Variants in LCLAT1 observed in about 807,000 individuals in gnomAD.
The protein encoded by LCLAT1 is 1-AGP acyltransferase 8.
In LCLAT1, 11 loss-of-function variants were observed where a neutral mutation model predicts 30.7. That is an observed-to-expected ratio of 0.36 (90% CI 0.23 to 0.59). LCLAT1 has a LOEUF of 0.59. Among genes scored for constraint, LCLAT1 ranks in the 20% least tolerant of loss-of-function variants. LCLAT1 has a pLI of 0.77. For synonymous variants in LCLAT1, 155 were observed against 151.3 expected, an observed-to-expected ratio of 1.02 and a Z score of -0.18; for missense variants, 402 against 458.6, an observed-to-expected ratio of 0.88 and a Z score of 1.13.
chr2:30,481,386 G>A (rs1398704580), intron 1 of LCLAT1, among the ~76,000 whole-genome samples: 1 of 152,206 alleles, frequency 6.6e-6, no homozygotes, highest in African/African-American at 2.4e-5. Context: ...CAAAGGAAGA[G>A]GGAGGAGGAA....
intron 1 of LCLAT1, among the ~76,000 whole-genome samples, chr2:30,520,541 G>A (rs1407775581): frequency 1.3e-5 from 2 of 152,156 alleles, no homozygotes; most frequent in East Asian, 3.9e-4. Flanking sequence ...CCTTAAGTAA[G>A]TTCCTTAACC....
chr2:30,477,942 C>G (rs187053762), intron 1 of LCLAT1, among the ~76,000 whole-genome samples: 1 of 151,810 alleles, frequency 6.6e-6, no homozygotes, highest in Admixed American at 6.6e-5. Flanking sequence ...CTCTCTCCCC[C>G]CTGAAAGTTT....
At chr2:30,515,600 A>T (rs1287221075) in intron 1 of LCLAT1, among the ~76,000 whole-genome samples, 1 of 152,188 alleles carries the variant, frequency 6.6e-6, no homozygotes, top group African/African-American at 2.4e-5. Context: ...GTTAGGTTAC[A>T]CTTGAAGTAG....
At chr2:30,560,318 G>GTGTGTA (rs1180312060) in intron 3 of LCLAT1, among the ~76,000 whole-genome samples, 12 of 143,650 alleles carry the variant, frequency 8.4e-5, no homozygotes, top group Admixed American at 7.5e-4. Context: ...GTGTGTGTGT[G>GTGTGTA]TGTGTGTATT....
At chr2:30,520,313 T>C (rs528139693) in intron 1 of LCLAT1, among the ~76,000 whole-genome samples, 2 of 152,254 alleles carry the variant, frequency 1.3e-5, no homozygotes, top group East Asian at 3.8e-4. Flanking sequence ...GTATAAATTC[T>C]AAAATTCAGA....
chr2:30,612,678 T>C (rs777263361), intron 5 of LCLAT1, among the ~76,000 whole-genome samples: 1 of 152,178 alleles, frequency 6.6e-6, no homozygotes, highest in Non-Finnish European at 1.5e-5. Flanking sequence ...AATTCCTGTC[T>C]GCCTTCTCTG....
At chr2:30,628,530 A>G (rs946423260) in intron 5 of LCLAT1, among the ~76,000 whole-genome samples, 1 of 152,224 alleles carries the variant, frequency 6.6e-6, no homozygotes, top group African/African-American at 2.4e-5. Flanking sequence ...CCAGATATTG[A>G]GTCACTAAGG....
At chr2:30,613,180 A>G (rs1234381179) in intron 5 of LCLAT1, among the ~76,000 whole-genome samples, 1 of 152,116 alleles carries the variant, frequency 6.6e-6, no homozygotes, top group African/African-American at 2.4e-5. Flanking sequence ...TGAGGGCAGA[A>G]AGGTAAATGT....
In LCLAT1 at chr2:30,461,770, C is replaced by CCTTTTTTTTTTTTTTTTT. The variant is rs760622200; in HGVS notation, c.-5+14387_-5+14388insCTTTTTTTTTTTTTTTTT. ...TGTGGACCACTTTTTCTAAATTAAACTTTTTTTTTTTTTTTTTTGAGACGG... is the reference window on the plus strand; with the variant it reads ...TGTGGACCACTTTTTCTAAATTAAACCTTTTTTTTTTTTTTTTTTTTTTTTTTTTTTTTTTTGAGACGG... On this transcript the variant is annotated intron_variant, in intron 1 of 5. Transcript: ENST00000379509. Among the ~76,000 whole-genome samples the CCTTTTTTTTTTTTTTTTT allele has an allele frequency of 1.4e-3, 186 of 131,720 alleles. 5 individuals carry two copies. Among genetic ancestry groups the CCTTTTTTTTTTTTTTTTT allele is most frequent in the East Asian group, 2.3e-3 (10 of 4,336 alleles). The allele number at this position is 131,720 out of a possible 152,430, so 86.4% of individuals were successfully genotyped here.
intron 1 of LCLAT1, among the ~76,000 whole-genome samples, chr2:30,492,908 A>T (rs939315677): frequency 3.9e-5 from 6 of 152,138 alleles, no homozygotes; most frequent in Non-Finnish European, 7.3e-5. Context: ...ATGTACTGTA[A>T]ATTTATACCC....
At chr2:30,537,387 CAA>C (rs565063139) in intron 3 of LCLAT1, among the ~76,000 whole-genome samples, 4 of 89,578 alleles carry the variant, frequency 4.5e-5, no homozygotes, top group African/African-American at 8.7e-5. Context: ...GACTCCGTCT[CAA>C]AAAAAAAAAA....
chr2:30,641,048 C>G lies in LCLAT1; in HGVS notation c.*429C>G, dbSNP rs1669279438. 6.4e-6 allele frequency: 1 copy of G among 155,136 alleles called. No individual in the cohort carries two copies. Among genetic ancestry groups the G allele is most frequent in the Non-Finnish European group, 1.4e-5 (1 of 70,276 alleles). The allele number at this position is 155,136 out of a possible 1,614,324, so 9.6% of individuals were successfully genotyped here. A position where few individuals can be genotyped will look rare whatever the true frequency, so the allele number is the denominator to read the frequency against. ...GAGGTGAGCGCTGTCCCTCCAGGTACTCAGGCAGGTGGTGCCCAGGCTCCC... is the reference window on the plus strand; with the variant it reads ...GAGGTGAGCGCTGTCCCTCCAGGTAGTCAGGCAGGTGGTGCCCAGGCTCCC... On this transcript the variant is annotated 3_prime_UTR_variant, in exon 6 of 6. Coordinates refer to ENST00000379509, the MANE Select transcript of LCLAT1 (RefSeq NM_001002257.3).
chr2:30,454,987 C>T (rs1205749056), intron 1 of LCLAT1, among the ~76,000 whole-genome samples: 5 of 152,062 alleles, frequency 3.3e-5, no homozygotes, highest in African/African-American at 9.7e-5. Flanking sequence ...TACTAGAAGT[C>T]GGAGTTACTC....
At chr2:30,472,817 C>T (rs1427378703) in intron 1 of LCLAT1, among the ~76,000 whole-genome samples, 1 of 152,076 alleles carries the variant, frequency 6.6e-6, no homozygotes, top group Non-Finnish European at 1.5e-5. Context: ...CAAGTCTTGC[C>T]AGTCCCTCCT....
At chr2:30,477,114 C>A (rs180720479) in intron 1 of LCLAT1, among the ~76,000 whole-genome samples, 43 of 152,260 alleles carry the variant, frequency 2.8e-4, no homozygotes, top group Middle Eastern at 3.4e-3. Flanking sequence ...TGTTCCTGTG[C>A]CTAAGAATCC....
intron 1 of LCLAT1, among the ~76,000 whole-genome samples, chr2:30,464,913 AT>A (rs1442552362): frequency 6.6e-6 from 1 of 151,900 alleles, no homozygotes; most frequent in African/African-American, 2.4e-5. Flanking sequence ...TAGAGATGGA[AT>A]TTTGCCATGT....
At chr2:30,466,212 TTTTTCTGTG>T (rs1682417003) in intron 1 of LCLAT1, among the ~76,000 whole-genome samples, 1 of 151,852 alleles carries the variant, frequency 6.6e-6, no homozygotes, top group African/African-American at 2.4e-5. Flanking sequence ...GTTCCGCTGT[TTTTTCTGTG>T]TTTTCTTTTT....
At chr2:30,569,335 A>G (rs947221798) in intron 5 of LCLAT1, among the ~76,000 whole-genome samples, 1 of 152,268 alleles carries the variant, frequency 6.6e-6, no homozygotes, top group Non-Finnish European at 1.5e-5. Flanking sequence ...TTATATATTT[A>G]TACACATTTG....
intron 1 of LCLAT1, among the ~76,000 whole-genome samples, chr2:30,523,206 G>C (rs1685559049): frequency 6.6e-6 from 1 of 151,748 alleles, no homozygotes; most frequent in Non-Finnish European, 1.5e-5. Flanking sequence ...CAGGACTGGG[G>C]GGCGGGGTGG....
Sources: gnomAD v4.1 joint callset for allele counts (sites outside exome capture counted in the v4.1 genomes callset) on GRCh38, gnomAD v4.1.1 for gene constraint, MANE v1.5 for transcripts, NCBI Gene and HGNC (gene_info 2026-07-23, HGNC 2026-07-21) for gene names.